The following CFAP97D2 variants were observed in gnomAD, a reference collection of about 807,000 sequenced individuals.
CFAP97D2 encodes uncharacterized protein CFAP97D2.
chr13:114,180,849 C>A (rs763256989), intron 1 of CFAP97D2, among the ~76,000 whole-genome samples: 10 of 152,228 alleles, frequency 6.6e-5, no homozygotes, highest in African/African-American at 2.4e-4. Context: ...AGTAATCCTG[C>A]AGCCTAAGTG....
At chr13:114,221,251 A>C (rs1017086554) in intron 4 of CFAP97D2, among the ~76,000 whole-genome samples, 3 of 152,230 alleles carry the variant, frequency 2.0e-5, no homozygotes, top group Non-Finnish European at 2.9e-5. Context: ...CGTCTCAAAA[A>C]AACAAAAAAA....
At position 114,211,197 on chromosome 13, in the gene CFAP97D2, G is replaced by C. The variant is rs114069378; in HGVS notation, c.291-715G>C. Among the ~76,000 whole-genome samples the C allele has an allele frequency of 8.7e-3, 1,326 of 152,164 alleles. 14 individuals are homozygous for C. The highest frequency in any genetic ancestry group is 0.03 in the African/African-American group (1,234 of 41,504). On this transcript the variant is annotated intron_variant, in intron 3 of 4. Transcript: ENST00000646158. The surrounding 1 kb of genome is among the most constrained non-coding windows in gnomAD (Gnocchi z 4.2). ...AGCCAGGGTCAAACCCCTACTCTAG[G>C]CGCTTCCGCAGCCCCCCATGGCTCC...
chr13:114,202,217 G>C (rs2138771860), intron 3 of CFAP97D2, among the ~76,000 whole-genome samples: 1 of 152,304 alleles, frequency 6.6e-6, no homozygotes, highest in South Asian at 2.1e-4. Context: ...GCATTTGGGT[G>C]GTTTCCAGTT....
chr13:114,190,917 G>A (rs755890705), intron 1 of CFAP97D2, among the ~76,000 whole-genome samples: 2 of 152,166 alleles, frequency 1.3e-5, no homozygotes, highest in African/African-American at 2.4e-5. Context: ...TGGTATTAAT[G>A]AAAGAATAGG....
At chr13:114,192,875 T>C (rs889071720) in intron 1 of CFAP97D2, among the ~76,000 whole-genome samples, 1 of 152,192 alleles carries the variant, frequency 6.6e-6, no homozygotes. Context: ...ATTGGTTCCA[T>C]AGAGGCAGAA....
In CFAP97D2 at chr13:114,207,510, G is replaced by A. The variant is rs563338753; in HGVS notation, c.291-4402G>A. Among the ~76,000 whole-genome samples, 88 of 152,120 alleles carry A rather than the reference G, an allele frequency of 5.8e-4. 1 individual carries two copies. Among genetic ancestry groups the A allele is most frequent in the African/African-American group, 1.9e-3 (79 of 41,490 alleles). Reference sequence around the variant, plus strand: ...AAGGAACACGCAGCTTAGATCTCTCGAACGTGCAGTTCACAATAGGGTTCA... The same window carrying A: ...AAGGAACACGCAGCTTAGATCTCTCAAACGTGCAGTTCACAATAGGGTTCA... On this transcript the variant is annotated intron_variant, in intron 3 of 4. Coordinates refer to ENST00000646158, the Ensembl canonical transcript of CFAP97D2. The surrounding 1 kb of genome is among the most constrained non-coding windows in gnomAD (Gnocchi z 4.9).
chr13:114,194,800 G>A (rs532601207), intron 1 of CFAP97D2, among the ~76,000 whole-genome samples: 108 of 152,330 alleles, frequency 7.1e-4, no homozygotes, highest in Admixed American at 1.1e-3. Flanking sequence ...AAAGGCCTTG[G>A]TCAACAAGTT....
chr13:114,183,352 G>T (rs1009595685), intron 1 of CFAP97D2, among the ~76,000 whole-genome samples: 10 of 151,964 alleles, frequency 6.6e-5, no homozygotes, highest in African/African-American at 2.2e-4. Flanking sequence ...ATTTTTAGTG[G>T]AGATAGGGTT....
rs2080965639 is a variant in CFAP97D2 at position 114,211,304 on chromosome 13, C to CT, written c.291-607dup. ...AGTGGGCTGGCATCGATGCCCCTCCCTCCCACTTCATGCTCCCCAGTCCAG... is the reference window on the plus strand; with the variant it reads ...AGTGGGCTGGCATCGATGCCCCTCCCTTCCCACTTCATGCTCCCCAGTCCAG... On this transcript the variant is annotated intron_variant, in intron 3 of 4. Transcript: ENST00000646158. This position sits in a 1 kb window ranked among gnomAD's most constrained non-coding sequence, Gnocchi z 4.2. Among the ~76,000 whole-genome samples, 1 of 152,198 alleles carries CT rather than the reference C, an allele frequency of 6.6e-6. No individual in the cohort carries two copies. Among genetic ancestry groups the CT allele is most frequent in the Non-Finnish European group, 1.5e-5 (1 of 68,042 alleles).
intron 3 of CFAP97D2, among the ~76,000 whole-genome samples, chr13:114,200,755 G>A (rs2080914096): frequency 6.6e-6 from 1 of 152,212 alleles, no homozygotes; most frequent in Non-Finnish European, 1.5e-5. Flanking sequence ...GACCCCGTGT[G>A]GTACGGGCTC....
chr13:114,195,358 C>T (rs1052037300), intron 1 of CFAP97D2, among the ~76,000 whole-genome samples: 3 of 152,182 alleles, frequency 2.0e-5, no homozygotes, highest in Non-Finnish European at 4.4e-5. Context: ...CCCCTTTCTC[C>T]ACCTCCTGAC....
intron 1 of CFAP97D2, among the ~76,000 whole-genome samples, chr13:114,181,675 T>G (rs895229750): frequency 1.3e-5 from 2 of 152,180 alleles, no homozygotes; most frequent in African/African-American, 4.8e-5. Context: ...ATAACTTAGT[T>G]TTTTATTGCT....
chr13:114,179,824 GAGGGATGTTGCCAT>G lies in CFAP97D2; in HGVS notation c.90+409_90+422del. Among the ~76,000 whole-genome samples, 1 of 151,912 alleles carries G rather than the reference GAGGGATGTTGCCAT, an allele frequency of 6.6e-6. No homozygotes were observed. Among genetic ancestry groups the G allele is most frequent in the Admixed American group, 6.6e-5 (1 of 15,252 alleles). ...TGTTTTTGTTTTTGTTTGTTTTTGA[GAGGGATGTTGCCAT>G]AGGGGTGTTGCCATGTTGGTCAGGC... On this transcript the variant is annotated intron_variant, in intron 1 of 4. Coordinates refer to ENST00000646158, the Ensembl canonical transcript of CFAP97D2. This position sits in a 1 kb window ranked among gnomAD's most constrained non-coding sequence, Gnocchi z 4.8.
chr13:114,219,532 G>A (rs1305640598), intron 4 of CFAP97D2, among the ~76,000 whole-genome samples: 1 of 152,172 alleles, frequency 6.6e-6, no homozygotes, highest in Admixed American at 6.5e-5. Context: ...GCAATGTTAA[G>A]ATAAAGTCAA....
At chr13:114,195,373 C>T (rs1042090565) in intron 1 of CFAP97D2, among the ~76,000 whole-genome samples, 1 of 152,282 alleles carries the variant, frequency 6.6e-6, no homozygotes. Flanking sequence ...CCTGACATCT[C>T]GCTGCATCTT....
intron 1 of CFAP97D2, among the ~76,000 whole-genome samples, chr13:114,193,123 C>T (rs1326350851): frequency 6.6e-6 from 1 of 151,658 alleles, no homozygotes; most frequent in Non-Finnish European, 1.5e-5. Flanking sequence ...TGCAATTAGA[C>T]AAGATAAATC....
intron 4 of CFAP97D2, among the ~76,000 whole-genome samples, chr13:114,218,824 A>T (rs1014942042): frequency 6.6e-6 from 1 of 152,252 alleles, no homozygotes; most frequent in Non-Finnish European, 1.5e-5. Context: ...GGCTAGCCAC[A>T]TGTAGAAAGC....
In CFAP97D2 at chr13:114,179,467, C is replaced by G. The variant is rs1227518496; in HGVS notation, c.90+47C>G. 2.5e-6 allele frequency: 1 copy of G among 398,458 alleles called. No individual in the cohort carries two copies. Among genetic ancestry groups the G allele is most frequent in the Non-Finnish European group, 4.4e-6 (1 of 226,060 alleles). The allele number at this position is 398,458 out of a possible 1,614,324, so 24.7% of individuals were successfully genotyped here. On this transcript the variant is annotated intron_variant, in intron 1 of 4. Coordinates refer to ENST00000646158, the Ensembl canonical transcript of CFAP97D2. This position sits in a 1 kb window ranked among gnomAD's most constrained non-coding sequence, Gnocchi z 4.8. The stretch of plus-strand genomic sequence containing the variant: ...CCCTGACAGCTCAGCGGGCGGGCAC[C>G]AAGCAGCGCCCACGAAATGCCTCTG...
At chr13:114,181,481 C>T (rs7318527) in intron 1 of CFAP97D2, among the ~76,000 whole-genome samples, 96,009 of 151,844 alleles carry the variant, frequency 0.63, 31,996 homozygotes, top group African/African-American at 0.86. Context: ...TGGGCCCTGA[C>T]GCTACAGGCC....
Sources: gnomAD v4.1 joint callset for allele counts (sites outside exome capture counted in the v4.1 genomes callset) on GRCh38, gnomAD v4.1.1 for gene constraint, Gnocchi (gnomAD v3.1) non-coding constraint, MANE v1.5 for transcripts, NCBI Gene and HGNC (gene_info 2026-07-23, HGNC 2026-07-21) for gene names.